Variants in BCL11B observed in about 807,000 individuals in gnomAD.
BCL11B encodes B-cell lymphoma/leukemia 11B.
In BCL11B, 8 loss-of-function variants were observed where a neutral mutation model predicts 49.9. That is an observed-to-expected ratio of 0.16 (90% CI 0.09 to 0.29). The LOEUF (loss-of-function observed/expected upper bound fraction) is 0.29. BCL11B is among the 10% of genes least tolerant of loss of function. BCL11B has a pLI of 1.00. For synonymous variants in BCL11B, 739 were observed against 637.4 expected, an observed-to-expected ratio of 1.16 and a Z score of -2.40; for missense variants, 1,006 against 1,351.0, an observed-to-expected ratio of 0.74 and a Z score of 4.00.
At chr14:99,246,963 CG>C (rs543930744) in intron 2 of BCL11B, among the ~76,000 whole-genome samples, 18 of 152,250 alleles carry the variant, frequency 1.2e-4, no homozygotes, top group African/African-American at 3.8e-4. Context: ...GGGAGGACTT[CG>C]ATGTCCACCT....
At chr14:99,215,625 T>G (rs1263659785) in intron 3 of BCL11B, among the ~76,000 whole-genome samples, 2 of 152,160 alleles carry the variant, frequency 1.3e-5, no homozygotes, top group Admixed American at 6.5e-5. Context: ...AGTTTCCACT[T>G]AAAGGGACAG....
chr14:99,202,782 C>G (rs1226016531), intron 3 of BCL11B, among the ~76,000 whole-genome samples: 1 of 152,212 alleles, frequency 6.6e-6, no homozygotes, highest in African/African-American at 2.4e-5. Flanking sequence ...CCGAGGCCAC[C>G]TGGAGCCGGT....
At chr14:99,267,544 A>AAC (rs1889519396) in intron 1 of BCL11B, among the ~76,000 whole-genome samples, 1 of 131,824 alleles carries the variant, frequency 7.6e-6, no homozygotes, top group Non-Finnish European at 1.6e-5. Flanking sequence ...GAGGAACTTC[A>AAC]CCCCCCCCCC....
chr14:99,263,457 C>T lies in BCL11B; in HGVS notation c.59-5618G>A, dbSNP rs577836375. On this transcript the variant is annotated intron_variant, in intron 1 of 3. Coordinates refer to ENST00000357195, the MANE Select transcript of BCL11B (RefSeq NM_138576.4). ...CTCCGCCAGCAGCGGAAACTTTGGG[C>T]CTGGCCTGCAGGCCAGGAGGTGGAA... 2.3e-4 allele frequency among the ~76,000 whole-genome samples: 35 copies of T among 152,316 alleles called. 1 individual carries two copies. Among genetic ancestry groups the T allele is most frequent in the Admixed American group, 2.2e-3 (33 of 15,302 alleles).
intron 1 of BCL11B, among the ~76,000 whole-genome samples, chr14:99,259,494 G>A (rs966250712): frequency 2.6e-5 from 4 of 152,182 alleles, no homozygotes; most frequent in African/African-American, 7.2e-5. Context: ...AATAGGTAGC[G>A]ACGTAGGTAT....
chr14:99,187,677 G>A (rs1291436918), intron 3 of BCL11B, among the ~76,000 whole-genome samples: 21 of 110,320 alleles, frequency 1.9e-4, no homozygotes, highest in African/African-American at 6.4e-4. Flanking sequence ...AAAAAAAAAA[G>A]GCCAGGAGTC....
At chr14:99,212,333 C>T in intron 3 of BCL11B, among the ~76,000 whole-genome samples, 1 of 132,390 alleles carries the variant, frequency 7.6e-6, no homozygotes, top group East Asian at 1.9e-4. Context: ...AATGTGCAAA[C>T]CTGCAGCCTC....
rs1292592637 is a variant in BCL11B at position 99,262,924 on chromosome 14, C to T, written c.59-5085G>A. 1 of 152,156 alleles carries T rather than the reference C, an allele frequency of 6.6e-6. No individual in the cohort carries two copies. Among genetic ancestry groups the T allele is most frequent in the Non-Finnish European group, 1.5e-5 (1 of 68,052 alleles). 9.4% of individuals were successfully genotyped at this position (152,156 alleles called of 1,614,324 possible). On this transcript the variant is annotated intron_variant, in intron 1 of 3. Coordinates refer to ENST00000357195, the MANE Select transcript of BCL11B (RefSeq NM_138576.4). This position sits in a 1 kb window ranked among gnomAD's most constrained non-coding sequence, Gnocchi z 4.2. ...TCTTGGTGGAGAAAATAATCTATGA[C>T]TAGATGACGCTTAAAGGCACGACAA...
At chr14:99,266,881 G>A (rs905433145) in intron 1 of BCL11B, among the ~76,000 whole-genome samples, 2 of 152,220 alleles carry the variant, frequency 1.3e-5, no homozygotes, top group African/African-American at 2.4e-5. Flanking sequence ...GAGATGAAAA[G>A]GGGATAAGTG....
In BCL11B at chr14:99,232,980, C is replaced by T. The variant is rs1255352094; in HGVS notation, c.428-1423G>A. On this transcript the variant is annotated intron_variant, in intron 2 of 3. Transcript: ENST00000357195. The surrounding 1 kb of genome is among the most constrained non-coding windows in gnomAD (Gnocchi z 5.1). The stretch of plus-strand genomic sequence containing the variant: ...GAACCCCCTGAACCAACAAAGACCT[C>T]ATACTAGGTGAGGCCTCGGGCCCAG... Among the ~76,000 whole-genome samples, 1 of 152,200 alleles carries T rather than the reference C, an allele frequency of 6.6e-6. No individual in the cohort carries two copies. The highest frequency in any genetic ancestry group is 6.5e-5 in the Admixed American group (1 of 15,282).
At chr14:99,197,129 T>TTC (rs1165563910) in intron 3 of BCL11B, among the ~76,000 whole-genome samples, 1 of 152,124 alleles carries the variant, frequency 6.6e-6, no homozygotes, top group Non-Finnish European at 1.5e-5. Flanking sequence ...ATGCATGCCT[T>TTC]TCCACCTCCC....
chr14:99,270,949 C>A (rs920860449), intron 1 of BCL11B, among the ~76,000 whole-genome samples: 2 of 151,660 alleles, frequency 1.3e-5, no homozygotes, highest in Non-Finnish European at 2.9e-5. Flanking sequence ...GAGGCGCGTC[C>A]GGCTGCTCGG....
Position 99,176,034 on chromosome 14 carries a change from G to A in BCL11B, c.802C>T (p.Pro268Ser). Reference sequence around the variant, plus strand: ...TGCGCCACGGCCTCCGGCCCGAGCGGCGGCGGGATGGTGAGCCGCGGCGTG... The same window carrying A: ...TGCGCCACGGCCTCCGGCCCGAGCGACGGCGGGATGGTGAGCCGCGGCGTG... ...SLTPRLTIPPPLGPEAVAQSP... is the reference protein window; with the variant it reads ...SLTPRLTIPPSLGPEAVAQSP... The change falls in exon 4 of 4, where the codon CCG becomes TCG. Residue 268 changes from proline (P) to serine (S), a missense_variant. By Grantham distance (74) the Pro-to-Ser change is moderately conservative. Around this residue, in one of 6 missense-constraint regions of BCL11B, gnomAD observed 411 missense variants for 542.2 expected, o/e 0.76. Transcript: ENST00000357195. 1.9e-6 allele frequency: 3 copies of A among 1,585,526 alleles called. No individual in the cohort carries two copies. Among genetic ancestry groups the A allele is most frequent in the Non-Finnish European group, 1.7e-6 (2 of 1,165,946 alleles).
intron 2 of BCL11B, among the ~76,000 whole-genome samples, chr14:99,251,656 C>T (rs1030414122): frequency 6.6e-6 from 1 of 152,192 alleles, no homozygotes; most frequent in Non-Finnish European, 1.5e-5. Flanking sequence ...CTCTCCAATG[C>T]CCTCATTAGG....
At chr14:99,227,505 G>A (rs1044620831) in intron 3 of BCL11B, among the ~76,000 whole-genome samples, 3 of 152,190 alleles carry the variant, frequency 2.0e-5, no homozygotes, top group Non-Finnish European at 2.9e-5. Context: ...GAACAGGGAA[G>A]GATTCTGGCA....
At chr14:99,255,431 A>AAC (rs1566831837) in intron 2 of BCL11B, among the ~76,000 whole-genome samples, 2 of 111,368 alleles carry the variant, frequency 1.8e-5, no homozygotes, top group Non-Finnish European at 3.8e-5. Context: ...AAAAAAAAAA[A>AAC]AAAACAGGGG....
rs138915685 is a variant in BCL11B, at chr14:99,194,777, C to G, written c.641-18582G>C. On this transcript the variant is annotated intron_variant, in intron 3 of 3. Transcript: ENST00000357195. The surrounding 1 kb of genome is among the most constrained non-coding windows in gnomAD (Gnocchi z 4.6). ...CTCAAAAGCAGTCTCAACCGTGGAGCAGACGGCCTTCGATAATAGCAACCC... is the reference window on the plus strand; with the variant it reads ...CTCAAAAGCAGTCTCAACCGTGGAGGAGACGGCCTTCGATAATAGCAACCC... Among the ~76,000 whole-genome samples, 2 of 152,298 alleles carry G rather than the reference C, an allele frequency of 1.3e-5. No homozygotes were observed. The highest frequency in any genetic ancestry group is 4.8e-5 in the African/African-American group (2 of 41,564).
At chr14:99,203,614 C>A (rs941786455) in intron 3 of BCL11B, among the ~76,000 whole-genome samples, 4 of 152,214 alleles carry the variant, frequency 2.6e-5, no homozygotes, top group Admixed American at 1.3e-4. Context: ...GGTCCCTACT[C>A]ACAAGGAGTT....
At position 99,174,800 on chromosome 14, in the gene BCL11B, G is replaced by A. The variant is rs753657450; in HGVS notation, c.2036C>T (p.Pro679Leu). Residue 679 changes from proline (P) to leucine (L), a missense_variant, in exon 4 of 4, where the codon CCC (proline) becomes CTC (leucine). Transcript: ENST00000357195. ...GCGCTTGGCGGCGCTGTTGAGCCCG[G>A]GGCTGGGCAGCGGCGCGGGCTTGCG... ...FPRKPAPLPS[P>L]GLNSAAKRIK... is the part of the protein sequence containing the mutation. The A allele has an allele frequency of 8.4e-6, 12 of 1,430,516 alleles. No homozygotes were observed. Among genetic ancestry groups the A allele is most frequent in the Non-Finnish European group, 1.0e-5 (11 of 1,092,886 alleles). 88.6% of individuals were successfully genotyped at this position (1,430,516 alleles called of 1,614,324 possible).
Sources: gnomAD v4.1 joint callset for allele counts (sites outside exome capture counted in the v4.1 genomes callset) on GRCh38, gnomAD v4.1.1 for gene constraint, gnomAD v4.1.1 regional missense constraint, Gnocchi (gnomAD v3.1) non-coding constraint, MANE v1.5 for transcripts, NCBI Gene and HGNC (gene_info 2026-07-23, HGNC 2026-07-21) for gene names.